The following CTNNA2 variants were observed in gnomAD, a reference collection of about 807,000 sequenced individuals.
CTNNA2 encodes the protein catenin alpha-2.
CTNNA2 carries 42 observed loss-of-function variants against 101.0 expected under a neutral mutation model. The observed-to-expected ratio is 0.42, with a 90% CI of 0.32 to 0.54. The LOEUF is 0.54. Among genes scored for constraint, CTNNA2 ranks in the 20% least tolerant of loss-of-function variants. The pLI, the probability that CTNNA2 is intolerant of heterozygous loss-of-function variation, is 0.14. For synonymous variants in CTNNA2, 450 were observed against 456.4 expected, an observed-to-expected ratio of 0.99 and a Z score of 0.18; for missense variants, 871 against 1,223.1, an observed-to-expected ratio of 0.71 and a Z score of 4.29.
At chr2:79,660,787 G>A (rs1238305354) in intron 2 of CTNNA2, among the ~76,000 whole-genome samples, 1 of 152,060 alleles carries the variant, frequency 6.6e-6, no homozygotes, top group African/African-American at 2.4e-5. Flanking sequence ...AGCTGTGTTG[G>A]CCATGTTTTG....
At chr2:79,652,776 C>A (rs1681351295) in intron 2 of CTNNA2, among the ~76,000 whole-genome samples, 1 of 152,118 alleles carries the variant, frequency 6.6e-6, no homozygotes, top group Non-Finnish European at 1.5e-5. Flanking sequence ...CTCTGGCTCC[C>A]CAAAGATTCA....
At chr2:79,625,937 G>T (rs1424933102) in intron 1 of CTNNA2, among the ~76,000 whole-genome samples, 1 of 152,176 alleles carries the variant, frequency 6.6e-6, no homozygotes, top group Non-Finnish European at 1.5e-5. Context: ...TGGCCCTCTG[G>T]CAGGGTTTGG....
At chr2:80,218,387 G>A (rs7590636) in intron 7 of CTNNA2, among the ~76,000 whole-genome samples, 29,832 of 152,222 alleles carry the variant, frequency 0.2, 4,128 homozygotes, top group African/African-American at 0.38. Flanking sequence ...ATGTTAATCC[G>A]ACAGCAGTTT....
chr2:80,353,092 A>G (rs1673462881), intron 7 of CTNNA2, among the ~76,000 whole-genome samples: 1 of 152,096 alleles, frequency 6.6e-6, no homozygotes, highest in Non-Finnish European at 1.5e-5. Context: ...ATCTTGTTCC[A>G]CCAAAATGCT....
intron 7 of CTNNA2, among the ~76,000 whole-genome samples, chr2:80,275,137 C>T (rs995729346): frequency 1.3e-5 from 2 of 152,100 alleles, no homozygotes; most frequent in African/African-American, 4.8e-5. Context: ...TAATAACCTC[C>T]CTTAAGTCAA....
intron 1 of CTNNA2, among the ~76,000 whole-genome samples, chr2:79,580,511 G>T (rs1350496734): frequency 5.3e-5 from 8 of 152,154 alleles, no homozygotes. Context: ...AGAAAAAAAT[G>T]AAAGTGGTAA....
intron 7 of CTNNA2, among the ~76,000 whole-genome samples, chr2:79,988,845 A>G (rs557645861): frequency 6.6e-6 from 1 of 152,356 alleles, no homozygotes; most frequent in South Asian, 2.1e-4. Context: ...TCTGAGGCTC[A>G]TGAATGAAGA....
At chr2:79,375,937 G>A (rs1366756605) in intron 4 of CTNNA2, among the ~76,000 whole-genome samples, 1 of 152,138 alleles carries the variant, frequency 6.6e-6, no homozygotes. Context: ...TCATGACAAA[G>A]ACTTGTATGA....
At position 80,647,872 on chromosome 2, in the gene CTNNA2, G is replaced by T; in HGVS notation, c.2862G>T (p.Ter954TyrextTer5). 2 of 1,569,278 alleles carry T rather than the reference G, an allele frequency of 1.3e-6. No homozygotes were observed. The highest frequency in any genetic ancestry group is 1.7e-6 in the Non-Finnish European group (2 of 1,158,376). The stretch of plus-strand genomic sequence containing the variant: ...AATTCAAAGCAATGGATTCCTTCTA[G>T]GACGATAGGTTTTAACAAGAAAGCT... ...LSEFKAMDSF[*>Y] The change falls in exon 19 of 19, where the codon TAG becomes TAT. Residue 954 changes from the stop codon to tyrosine, a stop_lost. Transcript: ENST00000402739.
intron 2 of CTNNA2, among the ~76,000 whole-genome samples, chr2:79,685,168 G>A (rs1683850419): frequency 6.6e-6 from 1 of 151,958 alleles, no homozygotes; most frequent in African/African-American, 2.4e-5. Context: ...TCTTATGCCA[G>A]CATATCATTT....
intron 1 of CTNNA2, among the ~76,000 whole-genome samples, chr2:79,559,383 G>A (rs1262435969): frequency 2.6e-5 from 4 of 151,828 alleles, no homozygotes; most frequent in Admixed American, 6.6e-5. Context: ...CAAGGATTTG[G>A]ATTTTGATTG....
At chr2:79,233,415 C>T (rs1395059650) in intron 2 of CTNNA2, among the ~76,000 whole-genome samples, 4 of 152,118 alleles carry the variant, frequency 2.6e-5, no homozygotes, top group Admixed American at 6.6e-5. Context: ...GTTCCAAGAG[C>T]ACACTTGGTA....
At chr2:79,990,235 G>A (rs1024765865) in intron 7 of CTNNA2, among the ~76,000 whole-genome samples, 11 of 152,222 alleles carry the variant, frequency 7.2e-5, no homozygotes, top group South Asian at 2.1e-4. Context: ...TGCAGAATCC[G>A]TCCTGAAGGT....
At chr2:80,606,806 A>G (rs1388041861) in intron 16 of CTNNA2, among the ~76,000 whole-genome samples, 1 of 151,880 alleles carries the variant, frequency 6.6e-6, no homozygotes, top group African/African-American at 2.4e-5. Flanking sequence ...TGCATTTTTA[A>G]TTACTGTTCC....
chr2:80,190,252 G>T (rs1391025262), intron 7 of CTNNA2, among the ~76,000 whole-genome samples: 1 of 152,100 alleles, frequency 6.6e-6, no homozygotes, highest in Non-Finnish European at 1.5e-5. Context: ...ACAGGGGAGA[G>T]AGTCCAGTGG....
At chr2:79,883,736 GT>G (rs936240557) in intron 6 of CTNNA2, among the ~76,000 whole-genome samples, 1 of 152,082 alleles carries the variant, frequency 6.6e-6, no homozygotes, top group Non-Finnish European at 1.5e-5. Context: ...ACCATATCTT[GT>G]TTTTGGAATC....
chr2:80,388,407 A>C (rs2149359823), intron 7 of CTNNA2, among the ~76,000 whole-genome samples: 1 of 152,376 alleles, frequency 6.6e-6, no homozygotes, highest in East Asian at 1.9e-4. Flanking sequence ...GCAAGCACTT[A>C]GCCACGTTTT....
At chr2:80,049,891 G>T (rs1696759970) in intron 7 of CTNNA2, among the ~76,000 whole-genome samples, 1 of 152,088 alleles carries the variant, frequency 6.6e-6, no homozygotes, top group African/African-American at 2.4e-5. Flanking sequence ...GGCAGAAAAA[G>T]AACCAAGCTG....
intron 7 of CTNNA2, among the ~76,000 whole-genome samples, chr2:79,937,673 G>A (rs61655135): frequency 0.079 from 12,048 of 152,154 alleles, 1,278 homozygotes; most frequent in African/African-American, 0.23. Flanking sequence ...TACTGAAGCC[G>A]GCCAAGGGCC....
Sources: allele counts gnomAD v4.1 joint callset (sites outside exome capture counted in the v4.1 genomes callset), GRCh38; gene constraint gnomAD v4.1.1; transcripts MANE v1.5; gene names NCBI Gene and HGNC (gene_info 2026-07-23, HGNC 2026-07-21).